The following BMPR1B variants were observed in gnomAD, a reference collection of about 807,000 sequenced individuals.
BMPR1B encodes the protein bone morphogenetic protein receptor type 1B.
BMPR1B carries 12 observed loss-of-function variants against 59.1 expected under a neutral mutation model. That is an observed-to-expected ratio of 0.20 (90% CI 0.13 to 0.33). BMPR1B has a LOEUF of 0.33. BMPR1B is among the 10% of genes least tolerant of loss of function. The probability of loss-of-function intolerance (pLI) is 1.00; values close to 1 mark genes in which losing one functional copy is unlikely to be tolerated. For missense variants in BMPR1B, 550 were observed against 610.9 expected, an observed-to-expected ratio of 0.90 and a Z score of 1.05; for synonymous variants, 237 against 207.3, an observed-to-expected ratio of 1.14 and a Z score of -1.23.
chr4:94,873,787 A>G (rs1418133206), intron 1 of BMPR1B, among the ~76,000 whole-genome samples: 1 of 152,242 alleles, frequency 6.6e-6, no homozygotes, highest in African/African-American at 2.4e-5. Context: ...AAATACATGT[A>G]ACATAAAATT....
At chr4:94,804,004 G>T (rs1442135296) in intron 1 of BMPR1B, among the ~76,000 whole-genome samples, 1 of 151,728 alleles carries the variant, frequency 6.6e-6, no homozygotes, top group African/African-American at 2.4e-5. Flanking sequence ...TCAGCCTCCC[G>T]AGTAGCTGGG....
chr4:95,062,234 C>T (rs1486464477), intron 3 of BMPR1B, among the ~76,000 whole-genome samples: 2 of 152,098 alleles, frequency 1.3e-5, no homozygotes, highest in Non-Finnish European at 2.9e-5. Flanking sequence ...CTACCATCAC[C>T]ACCACCTCCA....
intron 3 of BMPR1B, among the ~76,000 whole-genome samples, chr4:95,029,716 T>C (rs1443851332): frequency 3.3e-5 from 5 of 152,132 alleles, no homozygotes; most frequent in African/African-American, 1.2e-4. Context: ...GTGGAACTAG[T>C]TTACAGTCCC....
At chr4:95,037,319 G>A (rs1260017927) in intron 3 of BMPR1B, among the ~76,000 whole-genome samples, 1 of 152,160 alleles carries the variant, frequency 6.6e-6, no homozygotes, top group Non-Finnish European at 1.5e-5. Flanking sequence ...CATTGCCAGA[G>A]AGAAATATAA....
At chr4:94,759,184 C>T (rs1000618344) in intron 1 of BMPR1B, among the ~76,000 whole-genome samples, 1 of 152,226 alleles carries the variant, frequency 6.6e-6, no homozygotes, top group Non-Finnish European at 1.5e-5. Context: ...TTATTAGAAA[C>T]TGCTCTTTTC....
At position 94,765,035 on chromosome 4, in the gene BMPR1B, A is replaced by G. The variant is rs550446076; in HGVS notation, c.-183+6967A>G. 4.6e-5 allele frequency among the ~76,000 whole-genome samples: 7 copies of G among 152,288 alleles called. No individual in the cohort carries two copies. The East Asian group carries it at 1.3e-3, about 29-fold the overall frequency. On this transcript the variant is annotated intron_variant, in intron 1 of 12. Transcript: ENST00000515059. ...TATCATTTACTGAAGATCACAAGCA[A>G]CTGAAAGGCAGGGCATGTCTAAGTG... is the stretch of plus-strand genomic sequence containing the variant.
chr4:94,760,427 C>T (rs1157446944), intron 1 of BMPR1B, among the ~76,000 whole-genome samples: 3 of 152,194 alleles, frequency 2.0e-5, no homozygotes, highest in African/African-American at 7.2e-5. Context: ...ATTTTTATTA[C>T]AGTAAATGCT....
intron 11 of BMPR1B, among the ~76,000 whole-genome samples, chr4:95,151,139 C>T (rs1735011630): frequency 6.6e-6 from 1 of 151,972 alleles, no homozygotes; most frequent in African/African-American, 2.4e-5. Context: ...AGAAGAAAGA[C>T]AGAAAGGTTT....
intron 3 of BMPR1B, among the ~76,000 whole-genome samples, chr4:95,096,273 T>C (rs1454849650): frequency 6.6e-6 from 1 of 151,686 alleles, no homozygotes; most frequent in Non-Finnish European, 1.5e-5. Flanking sequence ...ATAGAAAACA[T>C]GTACATAGCT....
intron 2 of BMPR1B, among the ~76,000 whole-genome samples, chr4:94,912,793 CT>C (rs1440727411): frequency 1.3e-5 from 2 of 152,126 alleles, no homozygotes; most frequent in Non-Finnish European, 2.9e-5. Flanking sequence ...ACTTTTCTCT[CT>C]TCAGCTGATT....
intron 2 of BMPR1B, among the ~76,000 whole-genome samples, chr4:94,957,692 CAGTTAATGA>C (rs1279911639): frequency 4.6e-5 from 7 of 152,182 alleles, no homozygotes; most frequent in African/African-American, 1.7e-4. Flanking sequence ...CATATAACTT[CAGTTAATGA>C]ATTAAAGTAT....
chr4:94,862,992 C>A (rs1291225808), intron 1 of BMPR1B, among the ~76,000 whole-genome samples: 3 of 147,868 alleles, frequency 2.0e-5, no homozygotes, highest in Non-Finnish European at 4.4e-5. Context: ...GTGGTGGGCG[C>A]CTGTAATCCC....
intron 1 of BMPR1B, among the ~76,000 whole-genome samples, chr4:94,846,257 T>G (rs537197010): frequency 1.3e-5 from 2 of 152,300 alleles, no homozygotes; most frequent in Admixed American, 1.3e-4. Flanking sequence ...ACTGGATATC[T>G]CTATGCAGAA....
At chr4:95,018,315 C>T (rs1198006148) in intron 3 of BMPR1B, among the ~76,000 whole-genome samples, 2 of 152,070 alleles carry the variant, frequency 1.3e-5, no homozygotes, top group Non-Finnish European at 2.9e-5. Context: ...ATGGAAATAC[C>T]TATATTGTTT....
At chr4:94,852,611 AAATT>A (rs1173403732) in intron 1 of BMPR1B, among the ~76,000 whole-genome samples, 1 of 152,116 alleles carries the variant, frequency 6.6e-6, no homozygotes, top group Non-Finnish European at 1.5e-5. Context: ...AGGGTCGTGA[AAATT>A]AATCAGTAGC....
intron 11 of BMPR1B, among the ~76,000 whole-genome samples, chr4:95,151,278 G>T (rs1316596846): frequency 6.6e-6 from 1 of 152,208 alleles, no homozygotes; most frequent in African/African-American, 2.4e-5. Flanking sequence ...TAAGTGGTGA[G>T]CTCTGCCTTC....
chr4:95,094,234 G>T (rs1467020754), intron 3 of BMPR1B, among the ~76,000 whole-genome samples: 2 of 152,068 alleles, frequency 1.3e-5, no homozygotes, highest in African/African-American at 4.8e-5. Flanking sequence ...ACCAAGAGAT[G>T]AAAGAAAATA....
In BMPR1B at chr4:94,830,088, T is replaced by C. The variant is rs1370733394; in HGVS notation, c.-182-45743T>C. On this transcript the variant is annotated intron_variant, in intron 1 of 12. Transcript: ENST00000515059. The stretch of plus-strand genomic sequence containing the variant: ...ATAGTTATCAGCTAGTTCTGATAAG[T>C]AATATATTTAGGTCATCATAGAAAG... 2.0e-5 allele frequency among the ~76,000 whole-genome samples: 3 copies of C among 152,328 alleles called. No homozygotes were observed. In the East Asian group the frequency reaches 5.8e-4, roughly 29 times the overall value.
chr4:94,950,488 A>G (rs560511744), intron 2 of BMPR1B, among the ~76,000 whole-genome samples: 49 of 152,258 alleles, frequency 3.2e-4, no homozygotes, highest in African/African-American at 1.1e-3. Context: ...GAAGGGGTCC[A>G]GTTTCAGTTT....
Sources: allele counts gnomAD v4.1 joint callset (sites outside exome capture counted in the v4.1 genomes callset), GRCh38; gene constraint gnomAD v4.1.1; transcripts MANE v1.5; gene names NCBI Gene and HGNC (gene_info 2026-07-23, HGNC 2026-07-21).